RBM4: variants seen among roughly 807,000 people sequenced by gnomAD.
RBM4 encodes the protein RNA binding motif protein 4, also known as RNA-binding protein 4.
Under a neutral mutation model 29.5 loss-of-function variants are expected in RBM4, and 7 were observed. That is an observed-to-expected ratio of 0.24 (90% CI 0.14 to 0.45). The LOEUF (loss-of-function observed/expected upper bound fraction) is 0.45, where lower values mean the gene tolerates loss of function less well. RBM4 is among the 20% of genes least tolerant of loss of function. The pLI is 1.00. For synonymous variants in RBM4, 220 were observed against 205.4 expected (o/e 1.07, Z -0.61); for missense variants, 387 against 502.3 (o/e 0.77, Z 2.19).
At chr11:66,663,145 TC>T (rs1939116238) in intron 2 of RBM4, among the ~76,000 whole-genome samples, 1 of 152,184 alleles carries the variant, frequency 6.6e-6, no homozygotes, top group Admixed American at 6.5e-5. Flanking sequence ...TAGAGTTGAG[TC>T]CATCATTAAA....
At position 66,638,936 on chromosome 11, in the gene RBM4, C is replaced by T. The variant is rs573968031; in HGVS notation, c.-13+184C>T. 4.6e-5 allele frequency: 7 copies of T among 152,154 alleles called. No individual in the cohort carries two copies. In the East Asian group the frequency reaches 1.2e-3, roughly 25 times the overall value. 9.4% of individuals were successfully genotyped at this position (152,154 alleles called of 1,614,324 possible). ...CTTCCCCCACCGCCCCCTGAGAATA[C>T]CTTGCTTTTTTTCGCCCACCCTGTC... On this transcript the variant is annotated intron_variant, in intron 1 of 3. Transcript: ENST00000310092.
downstream of RBM4, among the ~76,000 whole-genome samples, chr11:66,648,841 G>C (rs1416741229): frequency 6.6e-6 from 1 of 150,910 alleles, no homozygotes; most frequent in Non-Finnish European, 1.5e-5. Flanking sequence ...TTAATTTCTT[G>C]ATTCTATTAG....
chr11:66,661,326 T>C (rs1045922012), intron 2 of RBM4, among the ~76,000 whole-genome samples: 5 of 152,204 alleles, frequency 3.3e-5, no homozygotes, highest in African/African-American at 1.2e-4. Context: ...GGTGACTTCC[T>C]GAGGACCAGG....
intron 2 of RBM4, among the ~76,000 whole-genome samples, chr11:66,663,022 CAAGATT>C (rs1263024115): frequency 1.3e-5 from 2 of 152,108 alleles, no homozygotes; most frequent in African/African-American, 2.4e-5. Context: ...CTTCACCTGT[CAAGATT>C]AAGTATAAAA....
At position 66,646,122 on chromosome 11, in the gene RBM4, G is replaced by C; in HGVS notation, c.*104G>C. Reference sequence around the variant, plus strand: ...CTCCGGGACGTTCTCGGCTCTGTGCGTTCAGTCCCTCAGGAACCGTGGACC... The same window carrying C: ...CTCCGGGACGTTCTCGGCTCTGTGCCTTCAGTCCCTCAGGAACCGTGGACC... On this transcript the variant is annotated 3_prime_UTR_variant, in exon 4 of 4. Coordinates refer to ENST00000310092, the MANE Select transcript of RBM4 (RefSeq NM_002896.4). The C allele has an allele frequency of 2.0e-6, 3 of 1,534,296 alleles. No individual in the cohort carries two copies. Among genetic ancestry groups the C allele is most frequent in the Non-Finnish European group, 1.7e-6 (2 of 1,146,436 alleles).
chr11:66,640,285 A>T (rs1318452164), intron 2 of RBM4, 162 bp downstream of exon 2: 3 of 939,530 alleles, frequency 3.2e-6, no homozygotes. Context: ...AATGCATGGG[A>T]CTTAGGGGCT....
At position 66,643,387 on chromosome 11, in the gene RBM4, G is replaced by A. The variant is rs1290019826; in HGVS notation, c.413-63G>A. ...AAAGCCATTGCTATGACCAGTGTCT[G>A]GGGTAGGGGCTGGGGCTATGACTAA... On this transcript the variant is annotated intron_variant, in intron 2 of 3. Transcript: ENST00000310092. The surrounding 1 kb of genome is among the most constrained non-coding windows in gnomAD (Gnocchi z 6.1). The A allele has an allele frequency of 1.9e-6, 3 of 1,540,608 alleles. No individual in the cohort carries two copies. The highest frequency in any genetic ancestry group is 2.7e-5 in the African/African-American group (2 of 73,040).
At chr11:66,644,269 C>T in intron 3 of RBM4, 129 bp downstream of exon 3, 2 of 1,308,922 alleles carry the variant, frequency 1.5e-6, no homozygotes, top group Non-Finnish European at 2.1e-6. Flanking sequence ...GGATGGCTCA[C>T]AGGCTAGAGA....
intron 2 of RBM4, chr11:66,665,844 T>C (rs1482246488): frequency 1.9e-5 from 29 of 1,521,778 alleles, no homozygotes; most frequent in Middle Eastern, 1.7e-4. Flanking sequence ...ATCTTTCTTA[T>C]CCATCTTTTA....
intron 2 of RBM4, among the ~76,000 whole-genome samples, chr11:66,662,457 A>G (rs1373966779): frequency 6.6e-6 from 1 of 152,076 alleles, no homozygotes; most frequent in Non-Finnish European, 1.5e-5. Context: ...GCTGGAGTGC[A>G]TTGGCGTGAT....
chr11:66,650,163 GT>G (rs1228551702), downstream of RBM4, among the ~76,000 whole-genome samples: 12 of 152,312 alleles, frequency 7.9e-5, no homozygotes, highest in African/African-American at 2.2e-4. Context: ...ATACTATTTT[GT>G]ATTGATGACA....
At chr11:66,665,393 C>A in intron 2 of RBM4, 2 of 630,486 alleles carry the variant, frequency 3.2e-6, no homozygotes, top group South Asian at 3.7e-5. Context: ...TGAAAGGCTA[C>A]AGAGACTAGT....
Position 66,646,079 on chromosome 11 carries a change from C to A in RBM4, c.*61C>A. ...AGCTGCGGTTGTGCATGAGAATACACCCTTCGTGGTACCCCATCTCCGGGA... is the reference window on the plus strand; with the variant it reads ...AGCTGCGGTTGTGCATGAGAATACAACCTTCGTGGTACCCCATCTCCGGGA... On this transcript the variant is annotated 3_prime_UTR_variant, in exon 4 of 4. Transcript: ENST00000310092. The A allele has an allele frequency of 2.0e-6, 3 of 1,535,876 alleles. No individual in the cohort carries two copies. Among genetic ancestry groups the A allele is most frequent in the Non-Finnish European group, 2.6e-6 (3 of 1,146,888 alleles).
At chr11:66,659,263 C>CTTTTTTTTTTTTTTTT (rs767959263) in intron 2 of RBM4, among the ~76,000 whole-genome samples, 1 of 67,306 alleles carries the variant, frequency 1.5e-5, no homozygotes, top group Non-Finnish European at 2.7e-5. Context: ...CTTCTTGGTT[C>CTTTTTTTTTTTTTTTT]TTTTTTTTTT....
At chr11:66,668,335 AC>A in exon 3 of RBM4, 1 of 345,556 alleles carries the variant, frequency 2.9e-6, no homozygotes. Flanking sequence ...TTTTTCTGTA[AC>A]CCAAATATGC....
intron 3 of RBM4, among the ~76,000 whole-genome samples, chr11:66,645,477 T>C (rs1002588612): frequency 6.6e-6 from 1 of 152,210 alleles, no homozygotes; most frequent in East Asian, 1.9e-4. Flanking sequence ...GTGTAGCTTA[T>C]ACATGCCCTT....
At position 66,643,587 on chromosome 11, in the gene RBM4, G is replaced by T; in HGVS notation, c.550G>T (p.Ala184Ser). ...TCCGATAGATCGTTCAGGCCGCGTG[G>T]CAGACTTGACCGAGCAATATAATGA... is the stretch of plus-strand genomic sequence containing the variant. ...ECPIDRSGRVADLTEQYNEQY... is the reference protein window; with the variant it reads ...ECPIDRSGRVSDLTEQYNEQY... The change falls in exon 3 of 4, where the codon GCA (alanine) becomes TCA (serine). Residue 184 changes from alanine to serine, a missense_variant. Ala to Ser is a moderately conservative substitution (Grantham distance 99). This residue lies in a region of RBM4 where 281 missense variants were observed against 288.7 expected (regional missense o/e 0.97). Coordinates refer to ENST00000310092, the MANE Select transcript of RBM4 (RefSeq NM_002896.4). This position sits in a 1 kb window ranked among gnomAD's most constrained non-coding sequence, Gnocchi z 6.1. 1 of 1,614,160 alleles carries T rather than the reference G, an allele frequency of 6.2e-7. No individual in the cohort carries two copies. Among genetic ancestry groups the T allele is most frequent in the Non-Finnish European group, 8.5e-7 (1 of 1,180,034 alleles).
At chr11:66,639,621 TTAGAG>T in intron 1 of RBM4, 74 bp from the exon 2 acceptor site, 1 of 1,509,912 alleles carries the variant, frequency 6.6e-7, no homozygotes, top group Non-Finnish European at 9.0e-7. Context: ...GAAATATACA[TTAGAG>T]TGAAAGTCGT....
chr11:66,648,424 A>T (rs1164464024), downstream of RBM4, among the ~76,000 whole-genome samples: 1 of 151,962 alleles, frequency 6.6e-6, no homozygotes, highest in Non-Finnish European at 1.5e-5. Flanking sequence ...CAGAGGGCTG[A>T]GGTGGGAGGA....
Sources: gnomAD v4.1 joint callset for allele counts (sites outside exome capture counted in the v4.1 genomes callset) on GRCh38, gnomAD v4.1.1 for gene constraint, gnomAD v4.1.1 regional missense constraint, Gnocchi (gnomAD v3.1) non-coding constraint, MANE v1.5 for transcripts, NCBI Gene and HGNC (gene_info 2026-07-23, HGNC 2026-07-21) for gene names.